Variants in HCN1 observed in about 807,000 individuals in gnomAD.
HCN1 encodes the protein hyperpolarization activated cyclic nucleotide gated potassium channel 1, also known as potassium/sodium hyperpolarization-activated cyclic nucleotide-gated channel 1.
In HCN1, 13 loss-of-function variants were observed where a neutral mutation model predicts 78.9. That is an observed-to-expected ratio of 0.16 (90% CI 0.11 to 0.26). The LOEUF (loss-of-function observed/expected upper bound fraction) is 0.26. Among genes scored for constraint, HCN1 ranks in the 10% least tolerant of loss-of-function variants. The pLI is 1.00. For synonymous variants in HCN1, 552 were observed against 455.5 expected, an observed-to-expected ratio of 1.21 and a Z score of -2.70; for missense variants, 810 against 1,154.3, an observed-to-expected ratio of 0.70 and a Z score of 4.32.
intron 2 of HCN1, among the ~76,000 whole-genome samples, chr5:45,521,894 C>T (rs1228591315): frequency 6.6e-6 from 1 of 151,934 alleles, no homozygotes; most frequent in Non-Finnish European, 1.5e-5. Flanking sequence ...AATAATTTTA[C>T]AGAACATTAG....
At chr5:45,303,895 A>G in intron 5 of HCN1, 56 bp from the exon 6 acceptor site, 1 of 1,468,832 alleles carries the variant, frequency 6.8e-7, no homozygotes. Flanking sequence ...TATCTGGAAG[A>G]AAAACATGCT....
At chr5:45,557,259 A>G (rs1743488929) in intron 2 of HCN1, among the ~76,000 whole-genome samples, 2 of 151,958 alleles carry the variant, frequency 1.3e-5, no homozygotes, top group Non-Finnish European at 2.9e-5. Flanking sequence ...TCAATGCAAT[A>G]CACATTGATC....
chr5:45,353,148 G>A lies in HCN1; in HGVS notation c.1329C>T (p.Ile443=), dbSNP rs1579834564. The part of the protein sequence containing the change: ...DYYEHRYQGK[I]FDEENILNEL... Reference sequence around the variant, plus strand: ...CATTGAGAATATTTTCCTCATCAAAGATTTTGCCTTGGTATCTGTGTTCAT... The same window carrying A: ...CATTGAGAATATTTTCCTCATCAAAAATTTTGCCTTGGTATCTGTGTTCAT... Residue 443 remains isoleucine (I), a synonymous_variant, in exon 5 of 8, where the codon ATC becomes ATT. Coordinates refer to ENST00000303230, the MANE Select transcript of HCN1 (RefSeq NM_021072.4). 1.2e-6 allele frequency: 2 copies of A among 1,611,818 alleles called. No homozygotes were observed. The highest frequency in any genetic ancestry group is 8.5e-7 in the Non-Finnish European group (1 of 1,178,590).
chr5:45,485,277 G>A (rs1296435835), intron 2 of HCN1, among the ~76,000 whole-genome samples: 1 of 152,092 alleles, frequency 6.6e-6, no homozygotes, highest in African/African-American at 2.4e-5. Context: ...CCTCATTTTA[G>A]TTCTTCCTAC....
At chr5:45,316,337 G>GA (rs1411843130) in intron 5 of HCN1, among the ~76,000 whole-genome samples, 2 of 152,118 alleles carry the variant, frequency 1.3e-5, no homozygotes, top group African/African-American at 4.8e-5. Flanking sequence ...AATAGATGCA[G>GA]AAAAGGCCTT....
intron 5 of HCN1, among the ~76,000 whole-genome samples, chr5:45,350,964 A>T (rs1362812463): frequency 1.3e-5 from 2 of 152,200 alleles, no homozygotes; most frequent in African/African-American, 4.8e-5. Context: ...GGTAATTTAT[A>T]GATTCAATGC....
chr5:45,511,565 A>G (rs1321254872), intron 2 of HCN1, among the ~76,000 whole-genome samples: 1 of 152,082 alleles, frequency 6.6e-6, no homozygotes, highest in Admixed American at 6.6e-5. Context: ...CTTTTCTCCC[A>G]AAGACTTACA....
chr5:45,382,047 C>T (rs774059016), intron 4 of HCN1, among the ~76,000 whole-genome samples: 1 of 152,120 alleles, frequency 6.6e-6, no homozygotes, highest in African/African-American at 2.4e-5. Context: ...GCAAGTTAGC[C>T]TCTTCCCATC....
Position 45,375,090 on chromosome 5 carries a change from A to G in HCN1, c.1230+21402T>C, listed in dbSNP as rs1207141020. ...TATAATATATTATATATAATTATAT[A>G]TAATATAATATTTTATAATATATAA... is the stretch of plus-strand genomic sequence containing the variant. On this transcript the variant is annotated intron_variant, in intron 4 of 7. Transcript: ENST00000303230. Among the ~76,000 whole-genome samples, 4 of 120,854 alleles carry G rather than the reference A, an allele frequency of 3.3e-5. No homozygotes were observed. In the Admixed American group the frequency reaches 3.4e-4, roughly 10 times the overall value. 79.3% of individuals were successfully genotyped at this position (120,854 alleles called of 152,430 possible).
chr5:45,499,321 G>C lies in HCN1; in HGVS notation c.850-37314C>G, dbSNP rs574511294. Reference sequence around the variant, plus strand: ...CGTTTTTTAAGACGGTTGGAAAAGCGTAGTATTCGGGTGGGAGTGACCCGA... The same window carrying C: ...CGTTTTTTAAGACGGTTGGAAAAGCCTAGTATTCGGGTGGGAGTGACCCGA... On this transcript the variant is annotated intron_variant, in intron 2 of 7. Transcript: ENST00000303230. 1.6e-4 allele frequency among the ~76,000 whole-genome samples: 25 copies of C among 152,310 alleles called. 1 individual carries two copies. The highest frequency in any genetic ancestry group is 3.4e-3 in the Middle Eastern group (1 of 294).
At chr5:45,633,538 T>G (rs149885465) in intron 2 of HCN1, among the ~76,000 whole-genome samples, 135 of 152,112 alleles carry the variant, frequency 8.9e-4, no homozygotes, top group African/African-American at 3.1e-3. Flanking sequence ...TCACAATACA[T>G]GAGAATTCAT....
chr5:45,320,889 C>A (rs374352066), intron 5 of HCN1, among the ~76,000 whole-genome samples: 56 of 151,794 alleles, frequency 3.7e-4, no homozygotes, highest in African/African-American at 1.3e-3. Flanking sequence ...TTTAAAACAC[C>A]GTCTGTATTT....
At chr5:45,546,862 G>T (rs1743241248) in intron 2 of HCN1, among the ~76,000 whole-genome samples, 1 of 151,768 alleles carries the variant, frequency 6.6e-6, no homozygotes, top group African/African-American at 2.4e-5. Flanking sequence ...GTTTTCACGA[G>T]TAGAATACTT....
intron 2 of HCN1, among the ~76,000 whole-genome samples, chr5:45,584,390 T>C (rs1744155488): frequency 6.6e-6 from 1 of 152,216 alleles, no homozygotes; most frequent in African/African-American, 2.4e-5. Context: ...TGGTAGATCT[T>C]CCTCCATCCT....
intron 2 of HCN1, among the ~76,000 whole-genome samples, chr5:45,479,114 G>A (rs903359821): frequency 8.7e-5 from 13 of 148,594 alleles, no homozygotes; most frequent in African/African-American, 2.6e-4. Context: ...GCTACAGAGC[G>A]AGACTGTTTT....
chr5:45,352,978 G>T, intron 5 of HCN1, 122 bp downstream of exon 5: 1 of 788,998 alleles, frequency 1.3e-6, no homozygotes, highest in Non-Finnish European at 2.1e-6. Flanking sequence ...AAGAAGATAA[G>T]GACAAAATAT....
Position 45,441,029 on chromosome 5 carries a change from A to G in HCN1, c.1011+20817T>C, listed in dbSNP as rs575654762. ...TCCTTCTGGATTATTCTTTTTCCAG[A>G]TATTAGCATAACTTCTTCCTTCATT... On this transcript the variant is annotated intron_variant, in intron 3 of 7. Transcript: ENST00000303230. Among the ~76,000 whole-genome samples the G allele has an allele frequency of 1.3e-4, 20 of 152,292 alleles. 1 individual carries two copies. Among genetic ancestry groups the G allele is most frequent in the African/African-American group, 4.8e-4 (20 of 41,556 alleles).
chr5:45,321,625 C>T (rs1398621570), intron 5 of HCN1, among the ~76,000 whole-genome samples: 1 of 150,116 alleles, frequency 6.7e-6, no homozygotes, highest in African/African-American at 2.5e-5. Flanking sequence ...AGACTAATAC[C>T]TATTTTTTTT....
chr5:45,336,190 G>C (rs1416883844), intron 5 of HCN1, among the ~76,000 whole-genome samples: 1 of 151,944 alleles, frequency 6.6e-6, no homozygotes, highest in Admixed American at 6.6e-5. Context: ...GAGGATACTA[G>C]GGATTACTGA....
Sources: allele counts gnomAD v4.1 joint callset (sites outside exome capture counted in the v4.1 genomes callset), GRCh38; gene constraint gnomAD v4.1.1; transcripts MANE v1.5; gene names NCBI Gene and HGNC (gene_info 2026-07-23, HGNC 2026-07-21).